PLA2G4A: variants seen among roughly 807,000 people sequenced by gnomAD.
PLA2G4A encodes the protein cytosolic phospholipase A2.
PLA2G4A carries 40 observed loss-of-function variants against 81.9 expected under a neutral mutation model. The ratio of observed to expected loss-of-function variants is 0.49; its 90% CI spans 0.38 to 0.64. The LOEUF is 0.64. Among genes scored for constraint, PLA2G4A ranks in the 30% least tolerant of loss-of-function variants. The probability of loss-of-function intolerance (pLI) is 0.00; values close to 1 mark genes in which losing one functional copy is unlikely to be tolerated. For missense variants in PLA2G4A, 715 were observed against 905.1 expected, an observed-to-expected ratio of 0.79 and a Z score of 2.69; for synonymous variants, 302 against 296.9, an observed-to-expected ratio of 1.02 and a Z score of -0.18.
At chr1:186,971,821 T>C (rs1274228026) in intron 15 of PLA2G4A, among the ~76,000 whole-genome samples, 1 of 152,022 alleles carries the variant, frequency 6.6e-6, no homozygotes, top group African/African-American at 2.4e-5. Flanking sequence ...CATAAAGTTC[T>C]TTTGATAGGA....
intron 1 of PLA2G4A, among the ~76,000 whole-genome samples, chr1:186,832,189 A>G (rs1651616694): frequency 6.6e-6 from 1 of 152,026 alleles, no homozygotes; most frequent in Admixed American, 6.6e-5. Flanking sequence ...TAGATTTATA[A>G]TAGTTTTCCA....
chr1:186,866,111 T>C (rs1653017079), intron 2 of PLA2G4A, among the ~76,000 whole-genome samples: 1 of 152,118 alleles, frequency 6.6e-6, no homozygotes, highest in Non-Finnish European at 1.5e-5. Context: ...AATTCAGTAA[T>C]ATAATTTCCT....
intron 14 of PLA2G4A, among the ~76,000 whole-genome samples, chr1:186,957,183 G>A (rs1656783153): frequency 6.6e-6 from 1 of 152,104 alleles, no homozygotes; most frequent in Non-Finnish European, 1.5e-5. Context: ...AATATTGAGG[G>A]AGATGTTAGA....
chr1:186,838,605 T>G (rs751281650), intron 1 of PLA2G4A, among the ~76,000 whole-genome samples: 4 of 152,232 alleles, frequency 2.6e-5, no homozygotes. Flanking sequence ...AGTTACCTGT[T>G]CCAGGAGCCA....
At chr1:186,873,501 T>C (rs1480335254) in intron 3 of PLA2G4A, among the ~76,000 whole-genome samples, 1 of 152,110 alleles carries the variant, frequency 6.6e-6, no homozygotes, top group Non-Finnish European at 1.5e-5. Flanking sequence ...AGAAGAATGA[T>C]AGATTACTAT....
chr1:186,923,346 C>G (rs981639706), intron 7 of PLA2G4A, among the ~76,000 whole-genome samples: 1 of 152,158 alleles, frequency 6.6e-6, no homozygotes, highest in African/African-American at 2.4e-5. Context: ...GAAAACTTTT[C>G]GGTAGCAATT....
At chr1:186,924,071 C>A (rs1655458759) in intron 7 of PLA2G4A, among the ~76,000 whole-genome samples, 1 of 152,182 alleles carries the variant, frequency 6.6e-6, no homozygotes, top group South Asian at 2.1e-4. Context: ...AGATATGGAT[C>A]CTAAGCTCCT....
intron 3 of PLA2G4A, among the ~76,000 whole-genome samples, chr1:186,892,421 T>C (rs1328011103): frequency 6.6e-6 from 1 of 152,226 alleles, no homozygotes; most frequent in Non-Finnish European, 1.5e-5. Context: ...TAGTTTTATA[T>C]TTTGAGATCT....
chr1:186,978,804 T>C (rs1419717988), intron 16 of PLA2G4A, among the ~76,000 whole-genome samples: 1 of 152,156 alleles, frequency 6.6e-6, no homozygotes, highest in Non-Finnish European at 1.5e-5. Flanking sequence ...CACTCTAGTT[T>C]ATTAGTAAGG....
At chr1:186,938,740 A>G (rs1656041661) in intron 8 of PLA2G4A, among the ~76,000 whole-genome samples, 1 of 152,146 alleles carries the variant, frequency 6.6e-6, no homozygotes, top group South Asian at 2.1e-4. Flanking sequence ...GACAATGGAC[A>G]CTAGTCCTAG....
intron 1 of PLA2G4A, among the ~76,000 whole-genome samples, chr1:186,852,504 G>A (rs1652410603): frequency 6.6e-6 from 1 of 152,026 alleles, no homozygotes; most frequent in African/African-American, 2.4e-5. Context: ...TTTGGAAGCT[G>A]GGAAGTCCAA....
At chr1:186,923,598 T>A (rs1655440605) in intron 7 of PLA2G4A, among the ~76,000 whole-genome samples, 1 of 152,206 alleles carries the variant, frequency 6.6e-6, no homozygotes, top group Non-Finnish European at 1.5e-5. Context: ...AAGTTCTTAA[T>A]AAAGAGGTGT....
At chr1:186,831,002 CTTTCTTTCTTTCTTTCTT>C (rs1651561974) in intron 1 of PLA2G4A, among the ~76,000 whole-genome samples, 2 of 129,532 alleles carry the variant, frequency 1.5e-5, no homozygotes, top group South Asian at 2.4e-4. Context: ...TTCTTTCTTT[CTTTCTTTCTTTCTTTCTT>C]TTTCTTTCTT....
chr1:186,854,155 T>C (rs1369352455), intron 1 of PLA2G4A, 131 bp from the exon 2 acceptor site: 1 of 530,768 alleles, frequency 1.9e-6, no homozygotes, highest in Non-Finnish European at 3.4e-6. Flanking sequence ...CCCATTCGTA[T>C]ACACAGGGAA....
In PLA2G4A at chr1:186,954,054, A is replaced by C. The variant is rs945857712; in HGVS notation, c.1337-2048A>C. On this transcript the variant is annotated intron_variant, in intron 13 of 17. Transcript: ENST00000367466. ...GTCATCTGGACTGGTTACTGAATGA[A>C]AGATCTCTTCATTTACTCAGCTCAG... 2.0e-5 allele frequency among the ~76,000 whole-genome samples: 3 copies of C among 152,184 alleles called. No homozygotes were observed. The East Asian group carries it at 5.8e-4, about 29-fold the overall frequency.
chr1:186,939,492 G>GAAAA (rs10599543), intron 9 of PLA2G4A, among the ~76,000 whole-genome samples: 10 of 143,202 alleles, frequency 7.0e-5, no homozygotes, highest in Non-Finnish European at 7.6e-5. Flanking sequence ...CTTTTCTCTG[G>GAAAA]AAAAAAAAAA....
chr1:186,884,020 G>A (rs1261807540), intron 3 of PLA2G4A, among the ~76,000 whole-genome samples: 1 of 152,072 alleles, frequency 6.6e-6, no homozygotes, highest in East Asian at 1.9e-4. Flanking sequence ...ATATTTATAA[G>A]TTGAGAGAAA....
chr1:186,955,774 G>A (rs1454084914), intron 13 of PLA2G4A, among the ~76,000 whole-genome samples: 9 of 116,170 alleles, frequency 7.7e-5, no homozygotes, highest in Admixed American at 7.7e-4. Flanking sequence ...TTGCTCTGTC[G>A]TCAGGCTGGA....
chr1:186,901,145 G>A (rs1045430221), intron 5 of PLA2G4A, among the ~76,000 whole-genome samples: 3 of 152,180 alleles, frequency 2.0e-5, no homozygotes, highest in Admixed American at 6.5e-5. Flanking sequence ...ACAAGAGAAC[G>A]ATGTAATTTT....
Sources: gnomAD v4.1 joint callset for allele counts (sites outside exome capture counted in the v4.1 genomes callset) on GRCh38, gnomAD v4.1.1 for gene constraint, MANE v1.5 for transcripts, NCBI Gene and HGNC (gene_info 2026-07-23, HGNC 2026-07-21) for gene names.